PDE7B: variants seen among roughly 807,000 people sequenced by gnomAD.
The protein encoded by PDE7B is phosphodiesterase 7B.
In PDE7B, 29 loss-of-function variants were observed where a neutral mutation model predicts 56.2. The observed-to-expected ratio is 0.52, with a 90% confidence interval of 0.38 to 0.70. The LOEUF is 0.70. PDE7B is among the 30% of genes least tolerant of loss of function. The probability of loss-of-function intolerance (pLI) is 0.00; values close to 1 mark genes in which losing one functional copy is unlikely to be tolerated. For synonymous variants in PDE7B, 197 were observed against 196.9 expected (o/e 1.00, Z 0.00); for missense variants, 490 against 565.0 (o/e 0.87, Z 1.35).
At chr6:135,976,221 C>T (rs530869056) in intron 2 of PDE7B, among the ~76,000 whole-genome samples, 1 of 152,140 alleles carries the variant, frequency 6.6e-6, no homozygotes, top group Admixed American at 6.5e-5. Context: ...CAGATGAATC[C>T]CTTCTGAACT....
chr6:136,133,019 T>C (rs1778144095), intron 3 of PDE7B, among the ~76,000 whole-genome samples: 2 of 152,156 alleles, frequency 1.3e-5, no homozygotes, highest in Non-Finnish European at 2.9e-5. Flanking sequence ...TAAAGAGTTA[T>C]ATTCCAACCA....
intron 2 of PDE7B, among the ~76,000 whole-genome samples, chr6:136,082,348 G>A (rs1483364126): frequency 6.6e-6 from 1 of 152,114 alleles, no homozygotes; most frequent in Non-Finnish European, 1.5e-5. Flanking sequence ...AGTCCCTGTT[G>A]GAGAGACTGG....
intron 2 of PDE7B, among the ~76,000 whole-genome samples, chr6:136,095,558 T>G (rs1777457946): frequency 6.6e-6 from 1 of 152,216 alleles, no homozygotes; most frequent in South Asian, 2.1e-4. Context: ...AATGGATCAC[T>G]TTTCATGCCA....
chr6:135,919,479 C>T (rs1026656485), intron 1 of PDE7B, among the ~76,000 whole-genome samples: 2 of 152,188 alleles, frequency 1.3e-5, no homozygotes, highest in Non-Finnish European at 2.9e-5. Context: ...CTGTGAATCG[C>T]TCTATTAGTC....
chr6:136,153,463 A>G (rs1778557956), intron 6 of PDE7B, among the ~76,000 whole-genome samples: 1 of 152,212 alleles, frequency 6.6e-6, no homozygotes, highest in Non-Finnish European at 1.5e-5. Flanking sequence ...TGGTTCCAAG[A>G]GTACTCTAAG....
At chr6:136,182,072 G>T (rs1213199130) in intron 11 of PDE7B, among the ~76,000 whole-genome samples, 1 of 152,148 alleles carries the variant, frequency 6.6e-6, no homozygotes, top group Non-Finnish European at 1.5e-5. Flanking sequence ...GGTTTGAGAG[G>T]CTGAGAACAA....
chr6:135,996,580 C>A (rs1333137743), intron 2 of PDE7B, among the ~76,000 whole-genome samples: 1 of 152,222 alleles, frequency 6.6e-6, no homozygotes, highest in Non-Finnish European at 1.5e-5. Flanking sequence ...AAGTTTTTCT[C>A]ACATTAACCC....
Position 136,195,431 on chromosome 6 carries a change from A to G in PDE7B, c.*3591A>G, listed in dbSNP as rs1378464930. 1 of 127,598 alleles carries G rather than the reference A, an allele frequency of 7.8e-6. No individual in the cohort carries two copies. The highest frequency in any genetic ancestry group is 1.6e-5 in the Non-Finnish European group (1 of 63,484). The allele number at this position is 127,598 out of a possible 1,614,324, so 7.9% of individuals were successfully genotyped here. ...TTAAACAAATCCTTTAAACTGTGTCATTTTGTATACACATGTGAGGTTTGA... is the reference window on the plus strand; with the variant it reads ...TTAAACAAATCCTTTAAACTGTGTCGTTTTGTATACACATGTGAGGTTTGA... On this transcript the variant is annotated 3_prime_UTR_variant, in exon 13 of 13. Transcript: ENST00000308191.
chr6:136,027,349 T>G (rs75910934), intron 2 of PDE7B, among the ~76,000 whole-genome samples: 1,677 of 152,298 alleles, frequency 0.011, 29 homozygotes, highest in African/African-American at 0.038. Context: ...AGCTCCCAGT[T>G]TGCTAGGAAC....
At chr6:135,865,655 G>A (rs1583715565) in intron 1 of PDE7B, among the ~76,000 whole-genome samples, 1 of 150,280 alleles carries the variant, frequency 6.7e-6, no homozygotes, top group East Asian at 1.9e-4. Flanking sequence ...GTGTGTATGT[G>A]TGGAGAGAGA....
chr6:136,147,430 A>T lies in PDE7B; in HGVS notation c.246A>T (p.Ser82=). Residue 82 remains serine (S), a synonymous_variant, in exon 4 of 13, where the codon TCA becomes TCT. Transcript: ENST00000308191. ...GCTTTCAAAGATACTTCCATGCATCAAGGCTGCTTCGTGGAATTATACCAC... is the reference window on the plus strand; with the variant it reads ...GCTTTCAAAGATACTTCCATGCATCTAGGCTGCTTCGTGGAATTATACCAC... The part of the protein sequence containing the change: ...LLSFQRYFHA[S]RLLRGIIPQA... 6.2e-7 allele frequency: 1 copy of T among 1,613,604 alleles called. No individual in the cohort carries two copies. The highest frequency in any genetic ancestry group is 8.5e-7 in the Non-Finnish European group (1 of 1,179,530).
intron 2 of PDE7B, among the ~76,000 whole-genome samples, chr6:136,039,017 C>A (rs531998593): frequency 5.6e-4 from 85 of 152,296 alleles, no homozygotes; most frequent in African/African-American, 2.0e-3. Flanking sequence ...GTTTGGCATG[C>A]AAGCTTTTTA....
At chr6:135,945,994 G>GTGCC (rs1747504231) in intron 1 of PDE7B, among the ~76,000 whole-genome samples, 1 of 152,084 alleles carries the variant, frequency 6.6e-6, no homozygotes, top group Non-Finnish European at 1.5e-5. Flanking sequence ...TAGCCCCAGT[G>GTGCC]TGCCCTCCAA....
At chr6:135,877,935 T>C (rs1345590968) in intron 1 of PDE7B, among the ~76,000 whole-genome samples, 1 of 152,016 alleles carries the variant, frequency 6.6e-6, no homozygotes, top group Non-Finnish European at 1.5e-5. Context: ...TGGGGAGTCA[T>C]TGGTTGAGGG....
rs545516402 is a variant in PDE7B at position 135,992,846 on chromosome 6, T to G, written c.82+45322T>G. ...TGGGAATAGTAATTTCTATGAAGTA[T>G]GAAACTTTACAGTTTATAAAGTGCT... On this transcript the variant is annotated intron_variant, in intron 2 of 12. Coordinates refer to ENST00000308191, the MANE Select transcript of PDE7B (RefSeq NM_018945.4). Among the ~76,000 whole-genome samples the G allele has an allele frequency of 2.0e-5, 3 of 152,352 alleles. No homozygotes were observed. In the South Asian group the frequency reaches 6.2e-4, roughly 32 times the overall value.
At chr6:136,112,356 T>C (rs1264601344) in intron 3 of PDE7B, 1 of 152,154 alleles carries the variant, frequency 6.6e-6, no homozygotes, top group African/African-American at 2.4e-5. Context: ...TTTTGGTAAA[T>C]AAAATTTTAC....
At chr6:135,886,377 AT>A (rs1051489995) in intron 1 of PDE7B, among the ~76,000 whole-genome samples, 63 of 151,860 alleles carry the variant, frequency 4.1e-4, no homozygotes, top group African/African-American at 1.5e-3. Flanking sequence ...ATATTTGCAA[AT>A]TTTTTTATTT....
chr6:136,191,531 G>A, intron 12 of PDE7B, 83 bp from the exon 13 acceptor site: 2 of 1,166,048 alleles, frequency 1.7e-6, no homozygotes, highest in African/African-American at 1.5e-5. Context: ...GCCGGGCGTG[G>A]TGGGTCCCCA....
At chr6:136,174,842 G>A (rs1002912474) in intron 9 of PDE7B, among the ~76,000 whole-genome samples, 5 of 152,072 alleles carry the variant, frequency 3.3e-5, no homozygotes, top group Non-Finnish European at 5.9e-5. Context: ...AATAAAACCA[G>A]TTCTCGTGCA....
Sources: gnomAD v4.1 joint callset for allele counts (sites outside exome capture counted in the v4.1 genomes callset) on GRCh38, gnomAD v4.1.1 for gene constraint, MANE v1.5 for transcripts, NCBI Gene and HGNC (gene_info 2026-07-23, HGNC 2026-07-21) for gene names.